HAO1: variants seen among roughly 807,000 people sequenced by gnomAD.
The protein encoded by HAO1 is hydroxyacid oxidase 1, also known as 2-Hydroxyacid oxidase 1.
In HAO1, 34 loss-of-function variants were observed where a neutral mutation model predicts 39.7. That is an observed-to-expected ratio of 0.86 (90% confidence interval 0.65 to 1.14). The LOEUF is 1.14. Among genes scored for constraint, HAO1 ranks in the 50% most tolerant of loss-of-function variants. The pLI, the probability that HAO1 is intolerant of heterozygous loss-of-function variation, is 0.00. For missense variants in HAO1, 479 were observed against 464.5 expected, an observed-to-expected ratio of 1.03 and a Z score of -0.29; for synonymous variants, 172 against 173.2, an observed-to-expected ratio of 0.99 and a Z score of 0.05.
chr20:7,907,811 C>A (rs2050255546), intron 3 of HAO1, among the ~76,000 whole-genome samples: 6 of 152,132 alleles, frequency 3.9e-5, no homozygotes, highest in Admixed American at 3.9e-4. Flanking sequence ...TGACTCCTAG[C>A]TGGATGGATG....
intron 5 of HAO1, among the ~76,000 whole-genome samples, chr20:7,890,539 A>T (rs1398497938): frequency 1.3e-5 from 2 of 151,838 alleles, no homozygotes; most frequent in Non-Finnish European, 2.9e-5. Context: ...TTTGTTTTTT[A>T]ATTTTAAATT....
chr20:7,923,606 A>G (rs1488688114), intron 2 of HAO1, among the ~76,000 whole-genome samples: 1 of 152,146 alleles, frequency 6.6e-6, no homozygotes, highest in Non-Finnish European at 1.5e-5. Flanking sequence ...AACAATATCC[A>G]TCTACATCTA....
At chr20:7,906,468 T>G in intron 3 of HAO1, 139 bp from the exon 4 acceptor site, 1 of 614,076 alleles carries the variant, frequency 1.6e-6, no homozygotes, top group South Asian at 2.0e-5. Context: ...ATTGCACACA[T>G]ATTTTCCATA....
At chr20:7,922,541 G>T (rs1480280455) in intron 2 of HAO1, among the ~76,000 whole-genome samples, 2 of 152,148 alleles carry the variant, frequency 1.3e-5, no homozygotes, top group Non-Finnish European at 2.9e-5. Flanking sequence ...AGAATTCCCT[G>T]TGAGGACATA....
intron 2 of HAO1, among the ~76,000 whole-genome samples, chr20:7,928,283 C>G (rs1435127614): frequency 6.6e-6 from 1 of 152,146 alleles, no homozygotes; most frequent in Non-Finnish European, 1.5e-5. Context: ...TAAAGTGCGT[C>G]TAAACCCTCC....
rs2050137940 is a variant in HAO1 at position 7,883,612 on chromosome 20, A to G, written c.1094T>C (p.Leu365Ser). The G allele has an allele frequency of 4.3e-6, 7 of 1,613,130 alleles. No homozygotes were observed. Among genetic ancestry groups the G allele is most frequent in the Non-Finnish European group, 5.9e-6 (7 of 1,179,142 alleles). The change falls in exon 8 of 8, where the codon TTG becomes TCG. Residue 365 changes from leucine to serine, a missense_variant. Coordinates refer to ENST00000378789, the MANE Select transcript of HAO1 (RefSeq NM_017545.3). The part of the protein sequence containing the change: ...IDKTLVRKNP[L>S]AVSKI ...GCACTGTCAGATCTTGGAAACGGCC[A>G]AAGGATTTTTCCTCACCAATGTCTT...
chr20:7,909,698 T>A (rs6055390), intron 3 of HAO1, among the ~76,000 whole-genome samples: 83,524 of 151,654 alleles, frequency 0.55, 26,335 homozygotes, highest in East Asian at 0.99. Flanking sequence ...AGTAACACTA[T>A]TAATCATGAA....
In HAO1 at chr20:7,916,802, A is replaced by G. The variant is rs78128197; in HGVS notation, c.290-2383T>C. ...ATCTGAGTTGGAGGTCATCATGTCTATAGATCACTAGTCTGTTCTCCCAAA... is the reference window on the plus strand; with the variant it reads ...ATCTGAGTTGGAGGTCATCATGTCTGTAGATCACTAGTCTGTTCTCCCAAA... On this transcript the variant is annotated intron_variant, in intron 2 of 7. Coordinates refer to ENST00000378789, the MANE Select transcript of HAO1 (RefSeq NM_017545.3). 1.0e-2 allele frequency among the ~76,000 whole-genome samples: 1,523 copies of G among 152,316 alleles called. 25 individuals are homozygous for G. The highest frequency in any genetic ancestry group is 0.033 in the African/African-American group (1,365 of 41,568).
At chr20:7,908,984 C>T (rs532999642) in intron 3 of HAO1, among the ~76,000 whole-genome samples, 4 of 151,686 alleles carry the variant, frequency 2.6e-5, no homozygotes, top group Admixed American at 6.6e-5. Context: ...ATAGCAAGAC[C>T]GGGAAAAGAA....
Position 7,921,408 on chromosome 20 carries a change from C to A in HAO1, c.290-6989G>T, listed in dbSNP as rs150406334. On this transcript the variant is annotated intron_variant, in intron 2 of 7. Transcript: ENST00000378789. The stretch of plus-strand genomic sequence containing the variant: ...TGCAAATCAAAACCACAATGATATA[C>A]CATCTCATACCAGTCAGAATTACTT... Among the ~76,000 whole-genome samples the A allele has an allele frequency of 4.2e-3, 639 of 152,182 alleles. 4 individuals are homozygous for A. Among genetic ancestry groups the A allele is most frequent in the African/African-American group, 0.014 (576 of 41,528 alleles).
At chr20:7,908,967 C>G (rs1227150140) in intron 3 of HAO1, among the ~76,000 whole-genome samples, 1 of 152,060 alleles carries the variant, frequency 6.6e-6, no homozygotes. Context: ...TCCAGTCTGT[C>G]TATCCCATAG....
At chr20:7,914,444 G>C (rs1404317387) in intron 2 of HAO1, 25 bp from the exon 3 acceptor site, 2 of 1,609,066 alleles carry the variant, frequency 1.2e-6, no homozygotes, top group Non-Finnish European at 1.7e-6. Context: ...GGATGATCAA[G>C]ATGGGCCTGG....
chr20:7,884,260 T>C (rs1203204975), intron 7 of HAO1, among the ~76,000 whole-genome samples: 1 of 152,212 alleles, frequency 6.6e-6, no homozygotes, highest in Non-Finnish European at 1.5e-5. Context: ...CAGGCACTGC[T>C]GTAGACACTG....
At chr20:7,925,840 C>T (rs111499195) in intron 2 of HAO1, among the ~76,000 whole-genome samples, 1,992 of 152,234 alleles carry the variant, frequency 0.013, 39 homozygotes, top group African/African-American at 0.043. Context: ...GTAGAAATCA[C>T]TCCATTCGAT....
At chr20:7,891,823 CA>C (rs751422008) in intron 5 of HAO1, among the ~76,000 whole-genome samples, 2 of 152,130 alleles carry the variant, frequency 1.3e-5, no homozygotes, top group Non-Finnish European at 2.9e-5. Flanking sequence ...GATTTGATTT[CA>C]GTAGATTTAT....
At chr20:7,899,723 T>G (rs1292710232) in intron 4 of HAO1, among the ~76,000 whole-genome samples, 1 of 152,124 alleles carries the variant, frequency 6.6e-6, no homozygotes, top group East Asian at 1.9e-4. Context: ...TCGTCCACAG[T>G]TTTACAATTT....
chr20:7,897,372 T>A (rs1029544629), intron 4 of HAO1, among the ~76,000 whole-genome samples: 2 of 152,140 alleles, frequency 1.3e-5, no homozygotes, highest in Middle Eastern at 3.2e-3. Context: ...GCCTCTTTCT[T>A]TTACTTTTCT....
At chr20:7,911,597 A>G (rs1462996767) in intron 3 of HAO1, among the ~76,000 whole-genome samples, 2 of 152,126 alleles carry the variant, frequency 1.3e-5, no homozygotes, top group Admixed American at 1.3e-4. Flanking sequence ...CTTGCCATTA[A>G]TAATGTATAC....
intron 4 of HAO1, among the ~76,000 whole-genome samples, chr20:7,898,862 A>T (rs2050208853): frequency 6.6e-6 from 1 of 152,116 alleles, no homozygotes; most frequent in African/African-American, 2.4e-5. Flanking sequence ...AACCTTATTA[A>T]ACAGTATAAA....
Sources: allele counts gnomAD v4.1 joint callset (sites outside exome capture counted in the v4.1 genomes callset), GRCh38; gene constraint gnomAD v4.1.1; transcripts MANE v1.5; gene names NCBI Gene and HGNC (gene_info 2026-07-23, HGNC 2026-07-21).